Variants in IFT88 observed in about 807,000 individuals in gnomAD.
IFT88 encodes intraflagellar transport 88, also known as intraflagellar transport protein 88 homolog.
Under a neutral mutation model 119.5 loss-of-function variants are expected in IFT88, and 74 were observed. The ratio of observed to expected loss-of-function variants is 0.62; its 90% CI spans 0.51 to 0.75. The LOEUF (loss-of-function observed/expected upper bound fraction) is 0.75, where lower values mean the gene tolerates loss of function less well. Ranked by LOEUF, IFT88 falls within the 30% of genes least tolerant of loss-of-function variation. The pLI, the probability that IFT88 is intolerant of heterozygous loss-of-function variation, is 0.00. For synonymous variants in IFT88, 279 were observed against 316.7 expected (o/e 0.88, Z 1.26); for missense variants, 961 against 977.7 (o/e 0.98, Z 0.23).
chr13:20,631,358 A>G (rs570159501), intron 16 of IFT88: 3 of 377,260 alleles, frequency 8.0e-6, no homozygotes, highest in East Asian at 9.1e-5. Context: ...AGATTATGCA[A>G]CATACAGCTG....
chr13:20,570,435 G>A (rs1028792532), intron 1 of IFT88, among the ~76,000 whole-genome samples: 2 of 152,154 alleles, frequency 1.3e-5, no homozygotes, highest in Non-Finnish European at 2.9e-5. Context: ...CATTCATAGT[G>A]ATGTTATTCA....
rs920810583 is a variant in IFT88, at chr13:20,638,609, T to C, written c.1573+91T>C. ...TTTTGCTTAAAGAGCTCTAACACATTAGGAGGAGGAGTTGACTTCCTTCTA... is the reference window on the plus strand; with the variant it reads ...TTTTGCTTAAAGAGCTCTAACACATCAGGAGGAGGAGTTGACTTCCTTCTA... On this transcript the variant is annotated intron_variant, in intron 17 of 25. Coordinates refer to ENST00000351808, the MANE Select transcript of IFT88 (RefSeq NM_006531.5). 6 of 776,870 alleles carry C rather than the reference T, an allele frequency of 7.7e-6. No homozygotes were observed. The Admixed American group carries it at 1.1e-4, about 14-fold the overall frequency. 48.1% of individuals were successfully genotyped at this position (776,870 alleles called of 1,614,324 possible).
chr13:20,617,943 G>A (rs984374640), intron 14 of IFT88, among the ~76,000 whole-genome samples: 1 of 151,990 alleles, frequency 6.6e-6, no homozygotes, highest in Non-Finnish European at 1.5e-5. Flanking sequence ...ACAGGCAGGC[G>A]TCACCATAAT....
At chr13:20,648,328 G>A (rs1056135884) in intron 20 of IFT88, among the ~76,000 whole-genome samples, 3 of 152,148 alleles carry the variant, frequency 2.0e-5, no homozygotes, top group East Asian at 1.9e-4. Context: ...CCCGGGAGGC[G>A]GAGGTTGCAG....
intron 19 of IFT88, among the ~76,000 whole-genome samples, chr13:20,644,223 G>T (rs2050394135): frequency 6.6e-6 from 1 of 152,136 alleles, no homozygotes; most frequent in East Asian, 1.9e-4. Flanking sequence ...TAAAAGGACA[G>T]TCCTGGTGGC....
intron 16 of IFT88, among the ~76,000 whole-genome samples, chr13:20,634,938 A>G (rs1426484274): frequency 2.9e-5 from 4 of 135,628 alleles, no homozygotes; most frequent in Admixed American, 7.3e-5. Flanking sequence ...TCCTAATGCT[A>G]TCCCTCCCCC....
intron 2 of IFT88, among the ~76,000 whole-genome samples, chr13:20,576,143 T>C (rs1040173650): frequency 6.6e-6 from 1 of 152,260 alleles, no homozygotes; most frequent in African/African-American, 2.4e-5. Context: ...CTTTTTCATA[T>C]ACATGCTTGC....
At chr13:20,665,419 T>C (rs1418217480) in intron 23 of IFT88, among the ~76,000 whole-genome samples, 11 of 152,226 alleles carry the variant, frequency 7.2e-5, no homozygotes, top group African/African-American at 2.2e-4. Context: ...AGAGATCCAG[T>C]ATTAAGATCC....
At position 20,660,792 on chromosome 13, in the gene IFT88, C is replaced by G. The variant is rs147631391; in HGVS notation, c.2069-2706C>G. 3.3e-5 allele frequency among the ~76,000 whole-genome samples: 5 copies of G among 152,234 alleles called. No individual in the cohort carries two copies. The East Asian group carries it at 9.6e-4, about 29-fold the overall frequency. ...AGAAGCAGCTTTTGGAGGGAAAAAT[C>G]AAAACCTTTTTTTAGATATGTTGTG... On this transcript the variant is annotated intron_variant, in intron 22 of 25. Transcript: ENST00000351808.
At chr13:20,579,948 C>T (rs1480650589) in intron 2 of IFT88, among the ~76,000 whole-genome samples, 1 of 152,180 alleles carries the variant, frequency 6.6e-6, no homozygotes, top group Non-Finnish European at 1.5e-5. Flanking sequence ...TCCTCATTCT[C>T]CCAATTATAA....
rs190052998 is a variant in IFT88, at chr13:20,644,489, G to A, written c.1834-354G>A. On this transcript the variant is annotated intron_variant, in intron 19 of 25. Transcript: ENST00000351808. ...TACACTCCAGGCTGGGTGACAGAGCGAGACTGTCTTAAAATAATAATAATT... is the reference window on the plus strand; with the variant it reads ...TACACTCCAGGCTGGGTGACAGAGCAAGACTGTCTTAAAATAATAATAATT... Among the ~76,000 whole-genome samples the A allele has an allele frequency of 7.7e-4, 117 of 152,086 alleles. 2 individuals are homozygous for A. The South Asian group carries it at 0.021, about 27-fold the overall frequency.
chr13:20,636,118 C>T (rs2048993795), intron 16 of IFT88, among the ~76,000 whole-genome samples: 1 of 152,164 alleles, frequency 6.6e-6, no homozygotes, highest in African/African-American at 2.4e-5. Flanking sequence ...TCAACAGCTG[C>T]ATCCATAATT....
intron 13 of IFT88, among the ~76,000 whole-genome samples, chr13:20,613,702 A>G (rs2045057951): frequency 6.6e-6 from 1 of 152,170 alleles, no homozygotes. Context: ...ATGAAGGTAT[A>G]AATAATATAT....
At chr13:20,632,446 A>G (rs2048346831) in intron 16 of IFT88, among the ~76,000 whole-genome samples, 1 of 152,204 alleles carries the variant, frequency 6.6e-6, no homozygotes, top group African/African-American at 2.4e-5. Context: ...TTATAAGGCT[A>G]CCACAACTCC....
At chr13:20,613,159 T>C (rs1197578969) in intron 13 of IFT88, among the ~76,000 whole-genome samples, 3 of 152,124 alleles carry the variant, frequency 2.0e-5, no homozygotes, top group East Asian at 3.8e-4. Flanking sequence ...AATGACCTAC[T>C]GAATGGGAGA....
At chr13:20,619,069 G>A (rs992387605) in intron 14 of IFT88, among the ~76,000 whole-genome samples, 2 of 152,030 alleles carry the variant, frequency 1.3e-5, no homozygotes, top group Non-Finnish European at 1.5e-5. Flanking sequence ...TGTTAGCCAG[G>A]ATGGTCTCGA....
intron 1 of IFT88, among the ~76,000 whole-genome samples, chr13:20,569,429 C>G (rs1013900965): frequency 6.6e-6 from 1 of 150,578 alleles, no homozygotes; most frequent in Non-Finnish European, 1.5e-5. Context: ...AAAAATTAGC[C>G]GGGCGTGGTG....
chr13:20,638,235 TA>T, intron 16 of IFT88, 96 bp from the exon 17 acceptor site: 2 of 641,152 alleles, frequency 3.1e-6, no homozygotes, highest in Non-Finnish European at 4.8e-6. Flanking sequence ...ATTACATTTA[TA>T]ATCTCAGAAA....
chr13:20,620,947 T>C (rs2046380271), intron 14 of IFT88, among the ~76,000 whole-genome samples: 1 of 152,222 alleles, frequency 6.6e-6, no homozygotes, highest in African/African-American at 2.4e-5. Context: ...AAGCAGGAAG[T>C]GGTCACTCAC....
Sources: allele counts gnomAD v4.1 joint callset (sites outside exome capture counted in the v4.1 genomes callset), GRCh38; gene constraint gnomAD v4.1.1; transcripts MANE v1.5; gene names NCBI Gene and HGNC (gene_info 2026-07-23, HGNC 2026-07-21).